Variants in PCDHA6 observed in about 807,000 individuals in gnomAD.
PCDHA6 encodes the protein protocadherin alpha 6.
A neutral mutation model predicts 60.3 loss-of-function variants in PCDHA6; 55 were observed. The observed-to-expected ratio is 0.91, with a 90% CI of 0.73 to 1.14. The LOEUF (loss-of-function observed/expected upper bound fraction) is 1.14. Among genes scored for constraint, PCDHA6 ranks in the 50% most tolerant of loss-of-function variants. PCDHA6 has a pLI of 0.00. For synonymous variants in PCDHA6, 652 were observed against 557.9 expected (o/e 1.17, Z -2.38); for missense variants, 1,327 against 1,256.5 (o/e 1.06, Z -0.85).
chr5:140,869,191 C>CA (rs1554162609), intron 1 of PCDHA6: 1 of 1,613,878 alleles, frequency 6.2e-7, no homozygotes, highest in East Asian at 2.2e-5. Flanking sequence ...GGGGAGCGGC[C>CA]AGCTCCACTA....
intron 1 of PCDHA6, chr5:140,966,700 G>T: frequency 7.3e-7 from 1 of 1,365,440 alleles, no homozygotes; most frequent in Non-Finnish European, 9.4e-7. Context: ...GGGCCCGGGC[G>T]TGGGGCACGG....
At chr5:140,886,596 G>C (rs1359025262) in intron 1 of PCDHA6, among the ~76,000 whole-genome samples, 1 of 152,008 alleles carries the variant, frequency 6.6e-6, no homozygotes, top group East Asian at 1.9e-4. Context: ...GGGAGGCCAA[G>C]GTGGGCGGAT....
chr5:140,850,762 A>T, intron 1 of PCDHA6: 1 of 1,598,020 alleles, frequency 6.3e-7, no homozygotes, highest in South Asian at 1.1e-5. Context: ...CAGAGGAGGC[A>T]GAGGGTGTGC....
chr5:140,899,531 CA>C (rs2067387177), intron 1 of PCDHA6, among the ~76,000 whole-genome samples: 1 of 152,140 alleles, frequency 6.6e-6, no homozygotes, highest in Non-Finnish European at 1.5e-5. Context: ...GGATGAAGCC[CA>C]CTTGATCATG....
chr5:140,941,673 A>T (rs1217189957), intron 1 of PCDHA6, among the ~76,000 whole-genome samples: 1 of 152,024 alleles, frequency 6.6e-6, no homozygotes, highest in Non-Finnish European at 1.5e-5. Context: ...TGTCAAGTTC[A>T]ATATTCTGTT....
intron 1 of PCDHA6, chr5:140,877,758 G>T (rs782480713): frequency 6.2e-7 from 1 of 1,614,190 alleles, no homozygotes; most frequent in East Asian, 2.2e-5. Flanking sequence ...GCTCTGCAGA[G>T]AGCCCGCCCA....
intron 2 of PCDHA6, 158 bp downstream of exon 2, chr5:140,979,165 A>G (rs1586797430): frequency 1.0e-6 from 1 of 970,900 alleles, no homozygotes; most frequent in South Asian, 4.8e-5. Flanking sequence ...TTATTCCTTG[A>G]AAGATCGCAA....
At chr5:140,956,953 CTG>C (rs1217178036) in intron 1 of PCDHA6, among the ~76,000 whole-genome samples, 2 of 135,202 alleles carry the variant, frequency 1.5e-5, no homozygotes, top group African/African-American at 2.6e-5. Flanking sequence ...CATTAAAACA[CTG>C]TAATTAATCA....
At chr5:140,856,686 C>T (rs782337552) in intron 1 of PCDHA6, 1 of 1,597,202 alleles carries the variant, frequency 6.3e-7, no homozygotes, top group Non-Finnish European at 8.6e-7. Context: ...TTGTTGACAG[C>T]AACTGATGGA....
At chr5:140,882,755 G>A in intron 1 of PCDHA6, 2 of 1,614,230 alleles carry the variant, frequency 1.2e-6, no homozygotes, top group Non-Finnish European at 1.7e-6. Context: ...TGCAGATATT[G>A]GAGTAAACTC....
chr5:140,968,068 C>T (rs1554230278), intron 1 of PCDHA6: 1 of 1,614,024 alleles, frequency 6.2e-7, no homozygotes, highest in East Asian at 2.2e-5. Context: ...GGGTGGCTGT[C>T]TACAACATCA....
At chr5:140,974,815 A>G (rs990559310) in intron 1 of PCDHA6, among the ~76,000 whole-genome samples, 3 of 152,188 alleles carry the variant, frequency 2.0e-5, no homozygotes, top group Non-Finnish European at 4.4e-5. Context: ...GAAGACCAAT[A>G]TGCAACATAA....
intron 1 of PCDHA6, among the ~76,000 whole-genome samples, chr5:140,881,132 T>C (rs1215831856): frequency 1.3e-5 from 2 of 152,218 alleles, no homozygotes; most frequent in African/African-American, 4.8e-5. Flanking sequence ...TTGGTAGAGA[T>C]AGTTATAACA....
intron 1 of PCDHA6, chr5:140,856,967 A>G (rs782128989): frequency 1.3e-6 from 2 of 1,593,606 alleles, no homozygotes; most frequent in Non-Finnish European, 1.7e-6. Context: ...AAATGATGCT[A>G]TTGACTTTGA....
intron 1 of PCDHA6, among the ~76,000 whole-genome samples, chr5:140,914,730 C>T (rs2076816445): frequency 6.6e-6 from 1 of 151,438 alleles, no homozygotes; most frequent in Non-Finnish European, 1.5e-5. Context: ...TTTTGTGTAT[C>T]CATTGTATGT....
At chr5:140,998,055 T>C (rs2097794971) in intron 3 of PCDHA6, among the ~76,000 whole-genome samples, 1 of 152,190 alleles carries the variant, frequency 6.6e-6, no homozygotes, top group Non-Finnish European at 1.5e-5. Flanking sequence ...AGTGACATCA[T>C]CATCAACAGA....
intron 1 of PCDHA6, among the ~76,000 whole-genome samples, chr5:140,895,253 C>A (rs2153449431): frequency 6.6e-6 from 1 of 152,084 alleles, no homozygotes; most frequent in East Asian, 1.9e-4. Context: ...TCAAAGCTTT[C>A]TTTTTTTTCT....
At chr5:140,917,653 G>A (rs1400141765) in intron 1 of PCDHA6, among the ~76,000 whole-genome samples, 1 of 152,160 alleles carries the variant, frequency 6.6e-6, no homozygotes, top group Non-Finnish European at 1.5e-5. Flanking sequence ...GCAATATTGA[G>A]TAGGAAGTCC....
intron 1 of PCDHA6, among the ~76,000 whole-genome samples, chr5:140,917,167 ATGG>A (rs1237150759): frequency 6.6e-6 from 1 of 152,160 alleles, no homozygotes; most frequent in African/African-American, 2.4e-5. Flanking sequence ...GGGAGGGGTG[ATGG>A]TGGTGATCCC....
Sources: allele counts gnomAD v4.1 joint callset (sites outside exome capture counted in the v4.1 genomes callset), GRCh38; gene constraint gnomAD v4.1.1; transcripts MANE v1.5; gene names NCBI Gene and HGNC (gene_info 2026-07-23, HGNC 2026-07-21).